TRDN: variants seen among roughly 807,000 people sequenced by gnomAD.
TRDN encodes triadin in skeletal muscle.
A neutral mutation model predicts 149.7 loss-of-function variants in TRDN; 161 were observed. The observed-to-expected ratio is 1.08, with a 90% CI of 0.95 to 1.23. The LOEUF (loss-of-function observed/expected upper bound fraction) is 1.23, where lower values mean the gene tolerates loss of function less well. Ranked by LOEUF, TRDN falls within the 50% of genes most tolerant of loss-of-function variation. TRDN has a pLI of 0.00. For synonymous variants in TRDN, 294 were observed against 250.5 expected, an observed-to-expected ratio of 1.17 and a Z score of -1.64; for missense variants, 896 against 823.5, an observed-to-expected ratio of 1.09 and a Z score of -1.08.
intron 26 of TRDN, among the ~76,000 whole-genome samples, chr6:123,276,525 A>G (rs1022272944): frequency 6.6e-6 from 1 of 152,198 alleles, no homozygotes; most frequent in African/African-American, 2.4e-5. Context: ...CGTTAATCGA[A>G]TAAGAACTGG....
chr6:123,613,636 T>A (rs1277854985), intron 1 of TRDN, among the ~76,000 whole-genome samples: 1 of 152,176 alleles, frequency 6.6e-6, no homozygotes, highest in African/African-American at 2.4e-5. Flanking sequence ...TAAATATAAA[T>A]TGATAGTAAT....
chr6:123,352,390 T>C, intron 21 of TRDN, 149 bp downstream of exon 21: 3 of 1,376,534 alleles, frequency 2.2e-6, no homozygotes, highest in Non-Finnish European at 2.8e-6. Context: ...TCTCACATTC[T>C]CCCTGGCACA....
At chr6:123,243,098 G>GGTT (rs1776049701) in intron 38 of TRDN, among the ~76,000 whole-genome samples, 1 of 152,232 alleles carries the variant, frequency 6.6e-6, no homozygotes, top group Admixed American at 6.5e-5. Context: ...TGCTGCTGAA[G>GGTT]GTTGCTACAG....
chr6:123,236,055 A>C (rs1775775823), intron 38 of TRDN, among the ~76,000 whole-genome samples: 1 of 152,174 alleles, frequency 6.6e-6, no homozygotes, highest in South Asian at 2.1e-4. Context: ...CAGGAGTGAG[A>C]TGGTTGGGTC....
intron 30 of TRDN, 59 bp downstream of exon 30, chr6:123,271,080 T>C (rs1777190443): frequency 7.6e-6 from 8 of 1,046,590 alleles, no homozygotes; most frequent in South Asian, 6.5e-5. Context: ...TGCACACATA[T>C]GAGTGCACCA....
chr6:123,536,291 T>A (rs1780525087), intron 4 of TRDN, among the ~76,000 whole-genome samples: 1 of 152,118 alleles, frequency 6.6e-6, no homozygotes, highest in South Asian at 2.1e-4. Flanking sequence ...ACTAGCCACT[T>A]GAGAAATGCA....
At chr6:123,484,410 T>C (rs929377806) in intron 9 of TRDN, among the ~76,000 whole-genome samples, 3 of 152,228 alleles carry the variant, frequency 2.0e-5, no homozygotes, top group African/African-American at 7.2e-5. Context: ...TCTAGAGTTC[T>C]TTTTCAATCT....
In TRDN at chr6:123,393,697, A is replaced by G; in HGVS notation, c.1052-20T>C. On this transcript the variant is annotated intron_variant, in intron 12 of 40. Transcript: ENST00000334268. Reference sequence around the variant, plus strand: ...CCGGCTCTTGGAATGAAAAAAACATAAATTACCATGAAGTATGATTTTGGA... The same window carrying G: ...CCGGCTCTTGGAATGAAAAAAACATGAATTACCATGAAGTATGATTTTGGA... 1 of 1,594,126 alleles carries G rather than the reference A, an allele frequency of 6.3e-7. No homozygotes were observed. Among genetic ancestry groups the G allele is most frequent in the Non-Finnish European group, 8.6e-7 (1 of 1,168,326 alleles).
chr6:123,342,180 T>C (rs1780087561), intron 21 of TRDN, among the ~76,000 whole-genome samples: 1 of 151,934 alleles, frequency 6.6e-6, no homozygotes, highest in Admixed American at 6.6e-5. Context: ...CATCTCTGTC[T>C]AGCTCTTTCA....
intron 2 of TRDN, among the ~76,000 whole-genome samples, chr6:123,559,987 A>G (rs912535092): frequency 8.5e-5 from 13 of 152,156 alleles, no homozygotes; most frequent in South Asian, 6.2e-4. Flanking sequence ...CTGTACTGCC[A>G]CAAGGCTTCA....
At chr6:123,360,721 G>GAA (rs1491555345) in intron 20 of TRDN, among the ~76,000 whole-genome samples, 46 of 1,630 alleles carry the variant, frequency 0.028, no homozygotes, top group Non-Finnish European at 0.047. Context: ...GAGAGAGACG[G>GAA]AGAGAGAGAG....
At chr6:123,570,538 G>A (rs1414821128) in intron 2 of TRDN, among the ~76,000 whole-genome samples, 3 of 152,132 alleles carry the variant, frequency 2.0e-5, no homozygotes, top group Non-Finnish European at 4.4e-5. Flanking sequence ...GTCCAAAAGT[G>A]TTTTGATTGG....
At chr6:123,488,043 C>T (rs183237860) in intron 9 of TRDN, among the ~76,000 whole-genome samples, 3 of 152,208 alleles carry the variant, frequency 2.0e-5, no homozygotes, top group Admixed American at 2.0e-4. Context: ...TTTTAGTATT[C>T]TTATATCCTC....
intron 24 of TRDN, among the ~76,000 whole-genome samples, chr6:123,309,672 T>C (rs1024403564): frequency 1.3e-5 from 2 of 151,888 alleles, no homozygotes; most frequent in African/African-American, 4.8e-5. Context: ...CACCTATACA[T>C]AGTTTTTTTT....
intron 38 of TRDN, among the ~76,000 whole-genome samples, chr6:123,241,330 T>C (rs1314982071): frequency 6.6e-6 from 1 of 151,298 alleles, no homozygotes; most frequent in Non-Finnish European, 1.5e-5. Flanking sequence ...TAGATATTCA[T>C]TTCACAGTTT....
intron 35 of TRDN, among the ~76,000 whole-genome samples, chr6:123,258,983 A>G (rs1395368028): frequency 1.3e-5 from 2 of 152,084 alleles, no homozygotes; most frequent in Admixed American, 1.3e-4. Context: ...CAGTGGTGAT[A>G]TCCCCTTTGT....
At chr6:123,568,816 A>T (rs970694710) in intron 2 of TRDN, among the ~76,000 whole-genome samples, 14 of 152,206 alleles carry the variant, frequency 9.2e-5, no homozygotes, top group African/African-American at 2.9e-4. Flanking sequence ...GACTGTTGCA[A>T]GGGTCTCTGA....
chr6:123,296,818 C>A (rs1365983898), intron 24 of TRDN, among the ~76,000 whole-genome samples: 3 of 151,874 alleles, frequency 2.0e-5, no homozygotes, highest in Non-Finnish European at 2.9e-5. Context: ...TGCTGAACAT[C>A]AGGGAAAGAA....
chr6:123,577,659 A>T (rs1395483430), intron 1 of TRDN, among the ~76,000 whole-genome samples: 1 of 152,190 alleles, frequency 6.6e-6, no homozygotes, highest in Non-Finnish European at 1.5e-5. Flanking sequence ...GCATAGACCC[A>T]GTATGGGATT....
Sources: allele counts gnomAD v4.1 joint callset (sites outside exome capture counted in the v4.1 genomes callset), GRCh38; gene constraint gnomAD v4.1.1; transcripts MANE v1.5; gene names NCBI Gene and HGNC (gene_info 2026-07-23, HGNC 2026-07-21).